The following WDR17 variants were observed in gnomAD, a reference collection of about 807,000 sequenced individuals.
WDR17 encodes WD repeat domain 17, also known as WD repeat-containing protein 17.
A neutral mutation model predicts 161.7 loss-of-function variants in WDR17; 143 were observed. The observed-to-expected ratio is 0.88, with a 90% CI of 0.77 to 1.02. The LOEUF (loss-of-function observed/expected upper bound fraction) is 1.02, where lower values mean the gene tolerates loss of function less well. Among genes scored for constraint, WDR17 ranks in the 50% least tolerant of loss-of-function variants. The probability of loss-of-function intolerance (pLI) is 0.00; values close to 1 mark genes in which losing one functional copy is unlikely to be tolerated. For missense variants in WDR17, 1,469 were observed against 1,520.9 expected (o/e 0.97, Z 0.57); for synonymous variants, 517 against 515.6 (o/e 1.00, Z -0.04).
intron 1 of WDR17, among the ~76,000 whole-genome samples, chr4:176,076,214 AATATAT>A (rs1219401869): frequency 0.032 from 1,955 of 62,006 alleles, 33 homozygotes; most frequent in Middle Eastern, 0.12. Flanking sequence ...TTACATATAT[AATATAT>A]ATATATATAT....
intron 21 of WDR17, 99 bp from the exon 22 acceptor site, chr4:176,163,055 T>C: frequency 1.4e-6 from 2 of 1,399,556 alleles, no homozygotes; most frequent in Non-Finnish European, 2.0e-6. Context: ...AATTGATTTA[T>C]AGGTTAATAC....
chr4:176,155,263 C>T (rs1396035978), intron 17 of WDR17, among the ~76,000 whole-genome samples: 1 of 151,836 alleles, frequency 6.6e-6, no homozygotes, highest in Non-Finnish European at 1.5e-5. Flanking sequence ...TTCTTTCTCT[C>T]AGGTTTAGGA....
chr4:176,076,279 A>G (rs1177614734), intron 1 of WDR17, among the ~76,000 whole-genome samples: 5 of 139,060 alleles, frequency 3.6e-5, no homozygotes, highest in Non-Finnish European at 6.3e-5. Flanking sequence ...ATATATATAC[A>G]TGTAAGCAAA....
At chr4:176,099,512 C>T (rs556226983) in intron 1 of WDR17, among the ~76,000 whole-genome samples, 5 of 152,244 alleles carry the variant, frequency 3.3e-5, no homozygotes, top group African/African-American at 1.2e-4. Flanking sequence ...AGAATATCCT[C>T]TTGCTTCCAG....
At chr4:176,092,764 T>G (rs191310934) in intron 1 of WDR17, among the ~76,000 whole-genome samples, 42 of 152,186 alleles carry the variant, frequency 2.8e-4, no homozygotes, top group Non-Finnish European at 4.4e-4. Context: ...AATCAAGGCT[T>G]GATGCGGTGG....
In WDR17 at chr4:176,181,659, A is replaced by C. The variant is rs1450702940; in HGVS notation, c.*2080A>C. The C allele has an allele frequency of 6.5e-6, 1 of 154,170 alleles. No individual in the cohort carries two copies. Among genetic ancestry groups the C allele is most frequent in the African/African-American group, 2.4e-5 (1 of 41,464 alleles). 9.6% of individuals were successfully genotyped at this position (154,170 alleles called of 1,614,324 possible). A position where few individuals can be genotyped will look rare whatever the true frequency, so the allele number is the denominator to read the frequency against. On this transcript the variant is annotated 3_prime_UTR_variant, in exon 29 of 29. Transcript: ENST00000508596. The stretch of plus-strand genomic sequence containing the variant: ...TATGTACTAAAAACCCCTCACTTAA[A>C]AATGGCAGTCTCAATCCTACTGTCA...
At chr4:176,075,375 A>C (rs1000395870) in intron 1 of WDR17, among the ~76,000 whole-genome samples, 7 of 152,028 alleles carry the variant, frequency 4.6e-5, no homozygotes, top group Admixed American at 1.3e-4. Context: ...GTTTTCTTCT[A>C]TTCTTCTCCT....
chr4:176,160,024 GGAT>G lies in WDR17; in HGVS notation c.2561_2563del (p.Asp854del), dbSNP rs1230607226. On this transcript the variant is annotated inframe_deletion, in exon 19 of 29. Transcript: ENST00000508596. ...CTGACCAATTAATCCAGGAAGATAAGGATGATGTCATTCCATACTGCATAGCCA... is the reference window on the plus strand; with the variant it reads ...CTGACCAATTAATCCAGGAAGATAAGGATGTCATTCCATACTGCATAGCCA... 1 of 1,611,246 alleles carries G rather than the reference GGAT, an allele frequency of 6.2e-7. No homozygotes were observed. The highest frequency in any genetic ancestry group is 8.5e-7 in the Non-Finnish European group (1 of 1,178,146).
rs945496468 is a variant in WDR17, at chr4:176,182,462, C to T, written c.*2883C>T. The T allele has an allele frequency of 2.6e-5, 4 of 150,976 alleles. No homozygotes were observed. 9.4% of individuals were successfully genotyped at this position (150,976 alleles called of 1,614,324 possible). A position where few individuals can be genotyped will look rare whatever the true frequency, so the allele number is the denominator to read the frequency against. On this transcript the variant is annotated 3_prime_UTR_variant, in exon 29 of 29. Coordinates refer to ENST00000508596, the MANE Select transcript of WDR17 (RefSeq NM_181265.4). The surrounding 1 kb of genome is among the most constrained non-coding windows in gnomAD (Gnocchi z 4.2). ...GAAATTGTCCAGATGTGTTCAGGAA[C>T]ATGATTGCATTAGAGCAATGACTGT...
At chr4:176,156,351 A>C (rs1748121993) in intron 18 of WDR17, among the ~76,000 whole-genome samples, 2 of 152,198 alleles carry the variant, frequency 1.3e-5, no homozygotes, top group African/African-American at 4.8e-5. Context: ...ACCTCTGATG[A>C]AGATAGCAGA....
At chr4:176,170,722 T>TATAATTA (rs1750604369) in intron 23 of WDR17, among the ~76,000 whole-genome samples, 1 of 152,242 alleles carries the variant, frequency 6.6e-6, no homozygotes, top group African/African-American at 2.4e-5. Flanking sequence ...CGTCTTTTCA[T>TATAATTA]CACACATTCT....
intron 1 of WDR17, chr4:176,096,687 G>A (rs913712674): frequency 2.8e-5 from 25 of 907,032 alleles, no homozygotes; most frequent in Non-Finnish European, 3.4e-5. Context: ...GGACATTTTC[G>A]CATTGCAAAG....
intron 7 of WDR17, among the ~76,000 whole-genome samples, chr4:176,132,731 T>C (rs1743667538): frequency 6.6e-6 from 1 of 151,990 alleles, no homozygotes; most frequent in Non-Finnish European, 1.5e-5. Flanking sequence ...AACTTTTCTT[T>C]TTATATAAAC....
intron 1 of WDR17, among the ~76,000 whole-genome samples, chr4:176,076,108 T>C (rs1177446020): frequency 6.6e-6 from 1 of 151,668 alleles, no homozygotes; most frequent in Non-Finnish European, 1.5e-5. Flanking sequence ...ATAATATTTT[T>C]ACAAAATACT....
chr4:176,164,647 T>C (rs191464659), intron 22 of WDR17, among the ~76,000 whole-genome samples: 272 of 152,136 alleles, frequency 1.8e-3, no homozygotes, highest in Non-Finnish European at 2.9e-3. Flanking sequence ...TGTACCACTT[T>C]CTTATCTGCA....
chr4:176,072,162 G>A (rs6811204), intron 1 of WDR17, among the ~76,000 whole-genome samples: 79,508 of 152,012 alleles, frequency 0.52, 22,201 homozygotes, highest in South Asian at 0.63. Flanking sequence ...AGATAACACT[G>A]CCTGCCAAGC....
chr4:176,091,987 A>G (rs912396638), intron 1 of WDR17, among the ~76,000 whole-genome samples: 1 of 152,126 alleles, frequency 6.6e-6, no homozygotes, highest in Non-Finnish European at 1.5e-5. Context: ...TTCAGGGCAC[A>G]ATGGCTTTAC....
chr4:176,082,337 A>G (rs934777968), intron 1 of WDR17, among the ~76,000 whole-genome samples: 5 of 152,104 alleles, frequency 3.3e-5, no homozygotes, highest in African/African-American at 7.2e-5. Flanking sequence ...GTGATGAAAC[A>G]TGGTAATTAT....
intron 1 of WDR17, among the ~76,000 whole-genome samples, chr4:176,074,696 T>C (rs1733731907): frequency 6.6e-6 from 1 of 151,774 alleles, no homozygotes; most frequent in Admixed American, 6.6e-5. Flanking sequence ...CTCAAGTGAT[T>C]CTCCAACCTT....
Sources: gnomAD v4.1 joint callset for allele counts (sites outside exome capture counted in the v4.1 genomes callset) on GRCh38, gnomAD v4.1.1 for gene constraint, Gnocchi (gnomAD v3.1) non-coding constraint, MANE v1.5 for transcripts, NCBI Gene and HGNC (gene_info 2026-07-23, HGNC 2026-07-21) for gene names.